ANKRD11: variants seen among roughly 807,000 people sequenced by gnomAD.
ANKRD11 encodes the protein ankyrin repeat domain 11, also known as ankyrin repeat domain-containing protein 11.
ANKRD11 carries 17 observed loss-of-function variants against 195.7 expected under a neutral mutation model. That is an observed-to-expected ratio of 0.09 (90% CI 0.06 to 0.13). ANKRD11 has a LOEUF of 0.13. ANKRD11 is among the 10% of genes least tolerant of loss of function. The probability of loss-of-function intolerance (pLI) is 1.00; values close to 1 mark genes in which losing one functional copy is unlikely to be tolerated. For missense variants in ANKRD11, 3,735 were observed against 3,566.1 expected (o/e 1.05, Z -1.21); for synonymous variants, 1,953 against 1,528.1 (o/e 1.28, Z -6.49).
intron 2 of ANKRD11, among the ~76,000 whole-genome samples, chr16:89,397,335 G>C (rs528188026): frequency 6.6e-6 from 1 of 152,318 alleles, no homozygotes; most frequent in East Asian, 1.9e-4. Context: ...GGATTCCACC[G>C]TAAGTGCTGT....
chr16:89,373,617 G>A (rs1423103693), intron 2 of ANKRD11: 1 of 152,258 alleles, frequency 6.6e-6, no homozygotes, highest in Non-Finnish European at 1.5e-5. Flanking sequence ...GCTGACGTCG[G>A]AAGTTCACAT....
At chr16:89,434,943 G>A (rs985829145) in intron 1 of ANKRD11, among the ~76,000 whole-genome samples, 1 of 152,216 alleles carries the variant, frequency 6.6e-6, no homozygotes, top group African/African-American at 2.4e-5. Context: ...AGGTGAAGCA[G>A]GGCGCAGGCC....
intron 3 of ANKRD11, among the ~76,000 whole-genome samples, chr16:89,307,066 GAC>G (rs969754633): frequency 2.0e-5 from 3 of 151,470 alleles, no homozygotes; most frequent in African/African-American, 7.3e-5. Context: ...GGGACAGTGC[GAC>G]ACACACAGCA....
chr16:89,300,934 G>GC (rs2035814682), intron 4 of ANKRD11: 1 of 697,248 alleles, frequency 1.4e-6, no homozygotes, highest in African/African-American at 1.8e-5. Flanking sequence ...CCTCGTGGCT[G>GC]CCCCAGGACA....
At position 89,281,703 on chromosome 16, in the gene ANKRD11, G is replaced by T; in HGVS notation, c.4839C>A (p.His1613Gln). The change falls in exon 9 of 13, where the codon CAC becomes CAA. Residue 1613 changes from histidine (H) to glutamine (Q), a missense_variant. Transcript: ENST00000301030. The surrounding 1 kb of genome is among the most constrained non-coding windows in gnomAD (Gnocchi z 5.5). ...ERMKQMEKLRHRSGDPKLKEK... is the reference protein window; with the variant it reads ...ERMKQMEKLRQRSGDPKLKEK... ...CCTTGAGCTTGGGGTCTCCGGACCG[G>T]TGCCTCAGCTTCTCCATTTGCTTCA... 1 of 1,614,130 alleles carries T rather than the reference G, an allele frequency of 6.2e-7. No individual in the cohort carries two copies. The highest frequency in any genetic ancestry group is 8.5e-7 in the Non-Finnish European group (1 of 1,180,018).
rs907695905 is a variant in ANKRD11, at chr16:89,305,483, T to C, written c.88-139A>G. On this transcript the variant is annotated intron_variant, in intron 3 of 12. Transcript: ENST00000301030. ...CTCCCTGCACCCCAGGGCGTGGCTG[T>C]GTGAGGCTGGTCACCGACCGCAGAA... The C allele has an allele frequency of 5.5e-6, 7 of 1,264,714 alleles. No homozygotes were observed. In the African/African-American group the frequency reaches 5.9e-5, roughly 11 times the overall value. The allele number at this position is 1,264,714 out of a possible 1,614,324, so 78.3% of individuals were successfully genotyped here.
Position 89,291,567 on chromosome 16 carries a change from T to C in ANKRD11, c.227-384A>G. 1.2e-6 allele frequency: 1 copy of C among 812,122 alleles called. No individual in the cohort carries two copies. Among genetic ancestry groups the C allele is most frequent in the Non-Finnish European group, 1.8e-6 (1 of 546,526 alleles). 50.3% of individuals were successfully genotyped at this position (812,122 alleles called of 1,614,324 possible). A position where few individuals can be genotyped will look rare whatever the true frequency, so the allele number is the denominator to read the frequency against. On this transcript the variant is annotated intron_variant, in intron 4 of 12. Coordinates refer to ENST00000301030, the MANE Select transcript of ANKRD11 (RefSeq NM_013275.6). The surrounding 1 kb of genome is among the most constrained non-coding windows in gnomAD (Gnocchi z 5.3). The stretch of plus-strand genomic sequence containing the variant: ...AGGACAGGTCTCTGTTCAATACACG[T>C]GTCTGTAATTCAATTCCACCTTCCC...
intron 7 of ANKRD11, chr16:89,286,895 G>A (rs187987036): frequency 6.4e-4 from 831 of 1,289,166 alleles, no homozygotes; most frequent in Admixed American, 9.2e-4. Flanking sequence ...TGAGATTAGC[G>A]CATTCAAAGA....
At chr16:89,302,938 G>C (rs2035946069) in intron 4 of ANKRD11, among the ~76,000 whole-genome samples, 1 of 152,112 alleles carries the variant, frequency 6.6e-6, no homozygotes, top group African/African-American at 2.4e-5. Flanking sequence ...AGCGAGAATG[G>C]CCTCAGTGGG....
chr16:89,327,716 C>T (rs895278925), intron 2 of ANKRD11, among the ~76,000 whole-genome samples: 1 of 147,810 alleles, frequency 6.8e-6, no homozygotes, highest in Non-Finnish European at 1.5e-5. Flanking sequence ...AAAGACAGTA[C>T]CATTTATAGG....
chr16:89,382,357 G>A (rs992933109), intron 2 of ANKRD11, among the ~76,000 whole-genome samples: 6 of 151,784 alleles, frequency 4.0e-5, no homozygotes, highest in African/African-American at 9.7e-5. Context: ...ACAGAGTCTC[G>A]TTCTGTCACC....
chr16:89,296,526 T>A (rs1216492337), intron 4 of ANKRD11, among the ~76,000 whole-genome samples: 1 of 152,236 alleles, frequency 6.6e-6, no homozygotes, highest in Non-Finnish European at 1.5e-5. Flanking sequence ...GGTTTTTTAT[T>A]TCAGTGATTA....
At chr16:89,437,164 G>C (rs79687381) in intron 1 of ANKRD11, among the ~76,000 whole-genome samples, 108 of 152,312 alleles carry the variant, frequency 7.1e-4, no homozygotes, top group Non-Finnish European at 1.0e-3. Context: ...ATCACTGAAA[G>C]CGCAGCACAC....
At chr16:89,479,277 A>G (rs1348030340) in intron 1 of ANKRD11, among the ~76,000 whole-genome samples, 2 of 151,630 alleles carry the variant, frequency 1.3e-5, no homozygotes, top group Non-Finnish European at 2.9e-5. Flanking sequence ...AAAAAAAGGA[A>G]AAAAAAAACA....
intron 3 of ANKRD11, among the ~76,000 whole-genome samples, chr16:89,311,568 AC>A (rs1459665479): frequency 2.6e-5 from 4 of 152,236 alleles, no homozygotes; most frequent in Admixed American, 1.3e-4. Flanking sequence ...CACACCACAT[AC>A]AAAAATTAAC....
At chr16:89,484,155 A>C (rs554395726) in intron 1 of ANKRD11, among the ~76,000 whole-genome samples, 1 of 152,322 alleles carries the variant, frequency 6.6e-6, no homozygotes, top group South Asian at 2.1e-4. Context: ...TCAGCCAGAC[A>C]TCTTAGTCAA....
At chr16:89,486,963 C>T (rs1012976733) in intron 1 of ANKRD11, among the ~76,000 whole-genome samples, 2 of 148,390 alleles carry the variant, frequency 1.3e-5, no homozygotes, top group Non-Finnish European at 3.0e-5. Flanking sequence ...GAGTCGAGAT[C>T]ATGCCACTGC....
chr16:89,401,368 G>A (rs920923136), intron 2 of ANKRD11, among the ~76,000 whole-genome samples: 2 of 152,078 alleles, frequency 1.3e-5, no homozygotes, highest in East Asian at 1.9e-4. Flanking sequence ...GAGCCACTGC[G>A]TCTGGCATTA....
At chr16:89,313,731 C>T (rs780918315) in intron 3 of ANKRD11, 1 of 547,628 alleles carries the variant, frequency 1.8e-6, no homozygotes, top group Non-Finnish European at 3.0e-6. Context: ...GCACTTGGGG[C>T]TCACTTCCTC....
Sources: allele counts gnomAD v4.1 joint callset (sites outside exome capture counted in the v4.1 genomes callset), GRCh38; gene constraint gnomAD v4.1.1; non-coding constraint Gnocchi (gnomAD v3.1); transcripts MANE v1.5; gene names NCBI Gene and HGNC (gene_info 2026-07-23, HGNC 2026-07-21).